Variants in ZNF667 observed in about 807,000 individuals in gnomAD.
ZNF667 encodes the protein zinc finger protein 667, also known as myocardial ischemic preconditioning upregulated 1 ortholog.
Under a neutral mutation model 31.8 loss-of-function variants are expected in ZNF667, and 13 were observed. The observed-to-expected ratio is 0.41, with a 90% confidence interval of 0.27 to 0.65. ZNF667 has a LOEUF of 0.65. ZNF667 is among the 30% of genes least tolerant of loss of function. The pLI is 0.32. For synonymous variants in ZNF667, 228 were observed against 247.1 expected, an observed-to-expected ratio of 0.92 and a Z score of 0.73; for missense variants, 642 against 725.6, an observed-to-expected ratio of 0.88 and a Z score of 1.32.
At chr19:56,468,644 T>G (rs747581553) in intron 3 of ZNF667, 1 of 152,222 alleles carries the variant, frequency 6.6e-6, no homozygotes, top group Non-Finnish European at 1.5e-5. Context: ...CTTTCTAAAT[T>G]GACTGAGACT....
intron 6 of ZNF667, among the ~76,000 whole-genome samples, chr19:56,444,470 T>G (rs985328874): frequency 6.6e-6 from 1 of 151,784 alleles, no homozygotes; most frequent in Non-Finnish European, 1.5e-5. Context: ...TCCAATCACC[T>G]CCCACAGACC....
chr19:56,468,937 T>G (rs965732595), intron 3 of ZNF667: 1 of 152,222 alleles, frequency 6.6e-6, no homozygotes, highest in African/African-American at 2.4e-5. Flanking sequence ...CTTTCAGGAC[T>G]GTAAGAGAAT....
intron 6 of ZNF667, 62 bp from the exon 7 acceptor site, chr19:56,442,803 C>A (rs2042643693): frequency 6.8e-7 from 1 of 1,476,132 alleles, no homozygotes. Flanking sequence ...GAAGATTCTA[C>A]AATATAAATG....
chr19:56,466,339 C>A (rs1217870431), intron 3 of ZNF667, among the ~76,000 whole-genome samples: 1 of 152,198 alleles, frequency 6.6e-6, no homozygotes, highest in Admixed American at 6.5e-5. Flanking sequence ...TAAGAGGTAA[C>A]CCCCACTCTA....
chr19:56,442,661 C>A lies in ZNF667; in HGVS notation c.334G>T (p.Val112Phe), dbSNP rs1019234984. The change falls in exon 7 of 7, where the codon GTT becomes TTT. Residue 112 changes from valine to phenylalanine, a missense_variant. Transcript: ENST00000504904. Reference protein sequence around the residue: ...KSGQSICQKLVSAQQKAPTRK... With the variant: ...KSGQSICQKLFSAQQKAPTRK... ...GTAGGAGCTTTTTGTTGTGCAGAAA[C>A]TAGTTTCTGGCAGATGCTTTGCCCA... 1 of 1,613,276 alleles carries A rather than the reference C, an allele frequency of 6.2e-7. No homozygotes were observed.
Position 56,451,868 on chromosome 19 carries a change from C to CAAAAA in ZNF667, c.253+6282_253+6286dup, listed in dbSNP as rs71184363. 1.3e-3 allele frequency among the ~76,000 whole-genome samples: 108 copies of CAAAAA among 80,916 alleles called. 4 individuals carry two copies. Among genetic ancestry groups the CAAAAA allele is most frequent in the East Asian group, 2.6e-3 (3 of 1,146 alleles). The allele number at this position is 80,916 out of a possible 152,430, so 53.1% of individuals were successfully genotyped here. A position where few individuals can be genotyped will look rare whatever the true frequency, so the allele number is the denominator to read the frequency against. Reference sequence around the variant, plus strand: ...TGGGTGACAGAGCAAGACCCTGTCTCAAAAAAAAAAAAAAAAAAAAAAAAA... The same window carrying CAAAAA: ...TGGGTGACAGAGCAAGACCCTGTCTCAAAAAAAAAAAAAAAAAAAAAAAAAAAAAA... On this transcript the variant is annotated intron_variant, in intron 6 of 6. Transcript: ENST00000504904.
chr19:56,442,054 G>A lies in ZNF667; in HGVS notation c.941C>T (p.Ala314Val), dbSNP rs1293800006. 2 of 1,614,060 alleles carry A rather than the reference G, an allele frequency of 1.2e-6. No homozygotes were observed. Among genetic ancestry groups the A allele is most frequent in the Non-Finnish European group, 1.7e-6 (2 of 1,179,998 alleles). ...TCTTTGCTGTAGACTCTGACTTAAG[G>A]CCTTCGCATTTTCAGGGATTTTCTC... is the stretch of plus-strand genomic sequence containing the variant. Reference protein sequence around the residue: ...AGEKIPENAKALSQSLQQRSH... With the variant: ...AGEKIPENAKVLSQSLQQRSH... The change falls in exon 7 of 7, where the codon GCC (alanine) becomes GTC (valine). Residue 314 changes from alanine to valine, a missense_variant. Physicochemically the swap from Ala to Val is moderately conservative, Grantham distance 64. Coordinates refer to ENST00000504904, the MANE Select transcript of ZNF667 (RefSeq NM_001321356.2).
chr19:56,444,643 G>A (rs1433432411), intron 6 of ZNF667, among the ~76,000 whole-genome samples: 1 of 105,652 alleles, frequency 9.5e-6, no homozygotes, highest in African/African-American at 3.9e-5. Flanking sequence ...ACCTCCCACA[G>A]ACCCCACCTC....
Position 56,458,226 on chromosome 19 carries a change from T to C in ZNF667, c.182A>G (p.Asn61Ser). 6.2e-7 allele frequency: 1 copy of C among 1,614,096 alleles called. No homozygotes were observed. The highest frequency in any genetic ancestry group is 8.5e-7 in the Non-Finnish European group (1 of 1,179,982). The change falls in exon 6 of 7, where the codon AAT becomes AGT. Residue 61 changes from asparagine (N) to serine (S), a missense_variant. By Grantham distance (46) the Asn-to-Ser change is conservative (BLOSUM62 1). Transcript: ENST00000504904. ...CCCTTTCTCCAATAAGGTGATCACA[T>C]TTGGTCTCCGAAAGGAAAGACCTGT... Reference protein sequence around the residue: ...VSLGLSFRRPNVITLLEKGKA... With the variant: ...VSLGLSFRRPSVITLLEKGKA...
chr19:56,474,918 G>A (rs2043369777), intron 1 of ZNF667: 1 of 152,108 alleles, frequency 6.6e-6, no homozygotes, highest in Non-Finnish European at 1.5e-5. Context: ...GAGTCTCAAG[G>A]ACAGGGCTAG....
chr19:56,460,863 C>T, intron 4 of ZNF667, 48 bp from the exon 5 acceptor site: 2 of 1,523,148 alleles, frequency 1.3e-6, no homozygotes, highest in Non-Finnish European at 1.8e-6. Context: ...TGTGCTTCCA[C>T]ATGGCTGGAG....
At chr19:56,458,379 G>C in intron 5 of ZNF667, 132 bp from the exon 6 acceptor site, 1 of 705,026 alleles carries the variant, frequency 1.4e-6, no homozygotes, top group Non-Finnish European at 2.5e-6. Context: ...GGCAGCTGGA[G>C]AATGGGGAGT....
intron 6 of ZNF667, chr19:56,449,389 A>G (rs781601388): frequency 2.1e-5 from 6 of 283,414 alleles, no homozygotes; most frequent in Non-Finnish European, 3.6e-5. Flanking sequence ...CAAAATAGCT[A>G]TCTTGGCCTG....
rs1342002318 is a variant in ZNF667, at chr19:56,446,282, A to C, written c.254-3541T>G. Among the ~76,000 whole-genome samples, 3 of 152,242 alleles carry C rather than the reference A, an allele frequency of 2.0e-5. No individual in the cohort carries two copies. The East Asian group carries it at 5.8e-4, about 29-fold the overall frequency. The stretch of plus-strand genomic sequence containing the variant: ...ACGTACCTCACAAGGTTTTCATGAG[A>C]ATTAGAAATAATGTGCGAGATTTCT... On this transcript the variant is annotated intron_variant, in intron 6 of 6. Coordinates refer to ENST00000504904, the MANE Select transcript of ZNF667 (RefSeq NM_001321356.2).
At chr19:56,449,160 T>C in intron 6 of ZNF667, 1 of 295,742 alleles carries the variant, frequency 3.4e-6, no homozygotes, top group Non-Finnish European at 6.7e-6. Flanking sequence ...CCTAGCCCCT[T>C]TGAATACATG....
intron 6 of ZNF667, among the ~76,000 whole-genome samples, chr19:56,452,528 TAAAG>T (rs2042852779): frequency 6.6e-6 from 1 of 152,062 alleles, no homozygotes; most frequent in South Asian, 2.1e-4. Context: ...TGATGCATCT[TAAAG>T]AACTAGAAAA....
intron 6 of ZNF667, chr19:56,449,257 G>A (rs932791809): frequency 4.8e-5 from 21 of 436,188 alleles, no homozygotes; most frequent in Admixed American, 2.5e-5. Flanking sequence ...ACCAGGTACT[G>A]ACAAACATCC....
At chr19:56,442,870 TG>T in intron 6 of ZNF667, 129 bp from the exon 7 acceptor site, 1 of 1,270,814 alleles carries the variant, frequency 7.9e-7, no homozygotes. Flanking sequence ...AACTTTTTAG[TG>T]TTTTATTGTG....
chr19:56,442,625 C>T lies in ZNF667; in HGVS notation c.370G>A (p.Gly124Ser). Reference protein sequence around the residue: ...AQQKAPTRKSGCNKNSVLVKP... With the variant: ...AQQKAPTRKSSCNKNSVLVKP... ...ACTAGGACTGAATTTTTGTTGCAGCCACTCTTTCGTGTAGGAGCTTTTTGT... is the reference window on the plus strand; with the variant it reads ...ACTAGGACTGAATTTTTGTTGCAGCTACTCTTTCGTGTAGGAGCTTTTTGT... Residue 124 changes from glycine (G) to serine (S), a missense_variant, in exon 7 of 7, where the codon GGC becomes AGC. Coordinates refer to ENST00000504904, the MANE Select transcript of ZNF667 (RefSeq NM_001321356.2). The T allele has an allele frequency of 1.2e-6, 2 of 1,613,874 alleles. No homozygotes were observed. Among genetic ancestry groups the T allele is most frequent in the Non-Finnish European group, 1.7e-6 (2 of 1,179,880 alleles).
Sources: gnomAD v4.1 joint callset for allele counts (sites outside exome capture counted in the v4.1 genomes callset) on GRCh38, gnomAD v4.1.1 for gene constraint, MANE v1.5 for transcripts, NCBI Gene and HGNC (gene_info 2026-07-23, HGNC 2026-07-21) for gene names.